The following SNRPN variants were observed in gnomAD, a reference collection of about 807,000 sequenced individuals.
SNRPN encodes small nuclear ribonucleoprotein-associated protein N.
In SNRPN, 7 loss-of-function variants were observed where a neutral mutation model predicts 25.2. The ratio of observed to expected loss-of-function variants is 0.28; its 90% CI spans 0.16 to 0.52. The LOEUF is 0.52. SNRPN is among the 20% of genes least tolerant of loss of function. The probability of loss-of-function intolerance (pLI) is 0.96; values close to 1 mark genes in which losing one functional copy is unlikely to be tolerated. For missense variants in SNRPN, 196 were observed against 322.5 expected (o/e 0.61, Z 3.00); for synonymous variants, 124 against 110.6 (o/e 1.12, Z -0.76).
At chr15:24,954,442 T>G (rs1013315001), upstream of SNRPN, among the ~76,000 whole-genome samples, 1 of 152,206 alleles carries the variant, frequency 6.6e-6, no homozygotes, top group Non-Finnish European at 1.5e-5. Context: ...GGAGATAATT[T>G]TCACAATTTA....
At chr15:24,879,766 A>G (rs2056399812) in intron 1 of SNRPN, among the ~76,000 whole-genome samples, 1 of 152,150 alleles carries the variant, frequency 6.6e-6, no homozygotes, top group African/African-American at 2.4e-5. Context: ...TCATTTTTGT[A>G]TTGCCGATAG....
In SNRPN at chr15:24,845,214, C is replaced by G. The variant is rs1219329990; in HGVS notation, c.-579+15309C>G. 4.6e-5 allele frequency among the ~76,000 whole-genome samples: 7 copies of G among 152,300 alleles called. No homozygotes were observed. In the South Asian group the frequency reaches 1.0e-3, roughly 23 times the overall value. ...TATGAATATGCATATGCTATACATACATACATATATGTATTTGCTATACTG... is the reference window on the plus strand; with the variant it reads ...TATGAATATGCATATGCTATACATAGATACATATATGTATTTGCTATACTG... On this transcript the variant is annotated intron_variant, in intron 2 of 12. Coordinates refer to the SNRPN transcript ENST00000400100.
At chr15:24,830,817 GGTTTCAGGTGT>G (rs1044096359) in intron 2 of SNRPN, among the ~76,000 whole-genome samples, 1 of 152,038 alleles carries the variant, frequency 6.6e-6, no homozygotes, top group Non-Finnish European at 1.5e-5. Flanking sequence ...TCTTTTAAAT[GGTTTCAGGTGT>G]GTTTTATGGA....
rs554437039 is a variant in SNRPN, at chr15:24,947,364, C to T, written c.-390-14750C>T. Among the ~76,000 whole-genome samples, 229 of 152,324 alleles carry T rather than the reference C, an allele frequency of 1.5e-3. 3 individuals carry two copies. The highest frequency in any genetic ancestry group is 3.4e-3 in the Middle Eastern group (1 of 294). On this transcript the variant is annotated intron_variant, in intron 3 of 11. Transcript: ENST00000400097. ...CATAACCTGAGGCTGGGTGCGGTGGCTCACGCCTGTAATCCCAGCACTTTG... is the reference window on the plus strand; with the variant it reads ...CATAACCTGAGGCTGGGTGCGGTGGTTCACGCCTGTAATCCCAGCACTTTG...
At chr15:24,922,889 C>CTTTTTT (rs1566915791) in intron 3 of SNRPN, among the ~76,000 whole-genome samples, 1 of 34,568 alleles carries the variant, frequency 2.9e-5, no homozygotes, top group South Asian at 9.7e-4. Flanking sequence ...GTAGGCAGAT[C>CTTTTTT]CTTTTTTTTT....
At chr15:24,901,402 AAGTTCC>A (rs2058447249) in intron 2 of SNRPN, among the ~76,000 whole-genome samples, 1 of 152,190 alleles carries the variant, frequency 6.6e-6, no homozygotes, top group African/African-American at 2.4e-5. Flanking sequence ...ATATCAAGAA[AAGTTCC>A]GGGTCTGGTA....
In SNRPN at chr15:24,930,145, AAAAT is replaced by A. The variant is rs888505904; in HGVS notation, c.-391+10033_-391+10036del. Among the ~76,000 whole-genome samples the A allele has an allele frequency of 8.2e-4, 124 of 151,676 alleles. 1 individual carries two copies. Among genetic ancestry groups the A allele is most frequent in the African/African-American group, 2.8e-3 (118 of 41,466 alleles). On this transcript the variant is annotated intron_variant, in intron 3 of 11. Transcript: ENST00000400097. ...GGTGACAGAGCGAGACTCCATCTCA[AAAAT>A]AAATAAATAAAAATAATAAATTTTT...
intron 4 of SNRPN, chr15:24,974,930 G>A (rs1324565169): frequency 4.3e-5 from 30 of 702,834 alleles, no homozygotes; most frequent in East Asian, 2.7e-4. Flanking sequence ...AGTGGTGAAG[G>A]ACTGTCCTGC....
chr15:24,893,157 G>A (rs939509109), intron 2 of SNRPN, among the ~76,000 whole-genome samples: 12 of 152,106 alleles, frequency 7.9e-5, no homozygotes, highest in Middle Eastern at 6.8e-3. Flanking sequence ...GCAGTGAGCC[G>A]AAATCGAGCC....
intron 1 of SNRPN, among the ~76,000 whole-genome samples, chr15:24,824,518 T>G (rs894929117): frequency 1.3e-5 from 2 of 152,124 alleles, no homozygotes; most frequent in Non-Finnish European, 2.9e-5. Context: ...TAGTTTGCAC[T>G]GAAATAAAAA....
chr15:24,972,069 A>G (rs1437398088), intron 3 of SNRPN, among the ~76,000 whole-genome samples: 1 of 152,114 alleles, frequency 6.6e-6, no homozygotes, highest in Admixed American at 6.6e-5. Context: ...TAGCCTGGCC[A>G]ACGTAGCGAA....
chr15:24,936,447 C>T (rs1375059812), intron 3 of SNRPN, among the ~76,000 whole-genome samples: 1 of 152,046 alleles, frequency 6.6e-6, no homozygotes, highest in East Asian at 1.9e-4. Flanking sequence ...AAATTTGGAC[C>T]AAGGGCCTAG....
At chr15:24,899,658 G>A (rs372181746) in intron 2 of SNRPN, among the ~76,000 whole-genome samples, 1 of 152,166 alleles carries the variant, frequency 6.6e-6, no homozygotes, top group Non-Finnish European at 1.5e-5. Flanking sequence ...CCCTTAGGTG[G>A]TTTCTAGTGT....
intron 2 of SNRPN, among the ~76,000 whole-genome samples, chr15:24,907,467 G>A (rs1361473551): frequency 2.6e-5 from 4 of 151,570 alleles, no homozygotes; most frequent in Non-Finnish European, 4.4e-5. Context: ...GCGTGGTGGC[G>A]GTCGCCTGTA....
At chr15:24,904,592 T>C (rs968114891) in intron 2 of SNRPN, among the ~76,000 whole-genome samples, 2 of 151,532 alleles carry the variant, frequency 1.3e-5, no homozygotes, top group Admixed American at 1.3e-4. Context: ...GAGGCAGAGG[T>C]TGCAGTGAGC....
At chr15:24,894,241 C>T (rs1425375303) in intron 2 of SNRPN, among the ~76,000 whole-genome samples, 2 of 150,450 alleles carry the variant, frequency 1.3e-5, no homozygotes, top group East Asian at 2.0e-4. Flanking sequence ...TCCTTTGAGA[C>T]GGAGTCTCGC....
intron 2 of SNRPN, among the ~76,000 whole-genome samples, chr15:24,887,714 C>T (rs1188725757): frequency 6.6e-6 from 1 of 152,102 alleles, no homozygotes; most frequent in Non-Finnish European, 1.5e-5. Flanking sequence ...AGGCATCAGA[C>T]CTGGGATAGA....
At chr15:24,920,852 G>A (rs576491429) in intron 3 of SNRPN, among the ~76,000 whole-genome samples, 1 of 152,338 alleles carries the variant, frequency 6.6e-6, no homozygotes, top group South Asian at 2.1e-4. Flanking sequence ...TCCCAGCAGT[G>A]AAGCGAAGCT....
intron 2 of SNRPN, among the ~76,000 whole-genome samples, chr15:24,899,763 C>A (rs2058332861): frequency 6.6e-6 from 1 of 152,208 alleles, no homozygotes; most frequent in Non-Finnish European, 1.5e-5. Flanking sequence ...CACACTGTGA[C>A]TATTCTGTGT....
Sources: gnomAD v4.1 joint callset for allele counts (sites outside exome capture counted in the v4.1 genomes callset) on GRCh38, gnomAD v4.1.1 for gene constraint, MANE v1.5 for transcripts, NCBI Gene and HGNC (gene_info 2026-07-23, HGNC 2026-07-21) for gene names.